Variants in FBXL20 observed in about 807,000 individuals in gnomAD.
The protein encoded by FBXL20 is F-box and leucine rich repeat protein 20, also known as F-box/LRR-repeat protein 20.
A neutral mutation model predicts 64.0 loss-of-function variants in FBXL20; 11 were observed. The observed-to-expected ratio is 0.17, with a 90% CI of 0.11 to 0.28. The LOEUF (loss-of-function observed/expected upper bound fraction) is 0.28. Among genes scored for constraint, FBXL20 ranks in the 10% least tolerant of loss-of-function variants. FBXL20 has a pLI of 1.00. For missense variants in FBXL20, 303 were observed against 526.2 expected (o/e 0.58, Z 4.15); for synonymous variants, 184 against 189.0 (o/e 0.97, Z 0.22).
chr17:39,310,345 C>A (rs1385367071), intron 2 of FBXL20, among the ~76,000 whole-genome samples: 1 of 151,900 alleles, frequency 6.6e-6, no homozygotes, highest in Non-Finnish European at 1.5e-5. Flanking sequence ...CACATGCAAT[C>A]CATGACGTAG....
chr17:39,274,740 G>A (rs1270118148), intron 10 of FBXL20, among the ~76,000 whole-genome samples: 2 of 152,078 alleles, frequency 1.3e-5, no homozygotes, highest in African/African-American at 2.4e-5. Context: ...CTTTTTTCTA[G>A]TATGGATAGC....
intron 1 of FBXL20, among the ~76,000 whole-genome samples, chr17:39,380,567 C>T (rs950036049): frequency 6.6e-6 from 1 of 152,116 alleles, no homozygotes; most frequent in African/African-American, 2.4e-5. Flanking sequence ...TCTCCTTTAC[C>T]ATTCTCTATA....
At chr17:39,275,927 T>A (rs2046886542) in intron 9 of FBXL20, among the ~76,000 whole-genome samples, 2 of 152,048 alleles carry the variant, frequency 1.3e-5, no homozygotes, top group African/African-American at 2.4e-5. Flanking sequence ...GAGTTGTATC[T>A]AACTCAGACA....
intron 1 of FBXL20, among the ~76,000 whole-genome samples, chr17:39,379,485 C>CAAATA (rs2048002056): frequency 7.9e-6 from 1 of 127,112 alleles, no homozygotes; most frequent in Non-Finnish European, 1.7e-5. Flanking sequence ...CATCCCTTAC[C>CAAATA]AAAAAAAAAA....
chr17:39,386,185 T>C (rs2048078006), intron 1 of FBXL20, among the ~76,000 whole-genome samples: 2 of 151,602 alleles, frequency 1.3e-5, no homozygotes, highest in East Asian at 3.9e-4. Context: ...TACGTGCCTG[T>C]ATTCCCAGCC....
At chr17:39,314,066 G>C (rs2047262002) in intron 2 of FBXL20, among the ~76,000 whole-genome samples, 1 of 152,052 alleles carries the variant, frequency 6.6e-6, no homozygotes, top group South Asian at 2.1e-4. Context: ...AAGATTCCCT[G>C]TACCCATTAG....
intron 1 of FBXL20, among the ~76,000 whole-genome samples, chr17:39,392,438 CAAAAA>C (rs67507209): frequency 9.6e-6 from 1 of 104,002 alleles, no homozygotes. Context: ...AGATTGTCTC[CAAAAA>C]AAAAAAAAAA....
In FBXL20 at chr17:39,261,541, G is replaced by A. The variant is rs143298147; in HGVS notation, c.1230C>T (p.His410=). 32 of 1,613,526 alleles carry A rather than the reference G, an allele frequency of 2.0e-5. No homozygotes were observed. The highest frequency in any genetic ancestry group is 7.7e-5 in the South Asian group (7 of 91,064). The part of the protein sequence containing the change: ...LRTHLPNIKV[H]AYFAPVTPPP... The stretch of plus-strand genomic sequence containing the variant: ...GTGGAGTGACAGGTGCGAAGTAGGC[G>A]TGGACTTTAATATTGGGTAAATGGG... The change falls in exon 15 of 15, where the codon CAC becomes CAT. Residue 410 remains histidine (H), a synonymous_variant. Transcript: ENST00000264658.
chr17:39,268,923 T>A, intron 11 of FBXL20, 52 bp from the exon 12 acceptor site: 7 of 1,520,810 alleles, frequency 4.6e-6, no homozygotes, highest in Non-Finnish European at 6.3e-6. Flanking sequence ...ATTTAAAACA[T>A]GAGAAACTTT....
Position 39,254,680 on chromosome 17 carries a change from C to G in FBXL20, c.*6780G>C, listed in dbSNP as rs1021229955. 3 of 154,476 alleles carry G rather than the reference C, an allele frequency of 1.9e-5. No homozygotes were observed. Among genetic ancestry groups the G allele is most frequent in the African/African-American group, 7.2e-5 (3 of 41,504 alleles). The allele number at this position is 154,476 out of a possible 1,614,324, so 9.6% of individuals were successfully genotyped here. A position where few individuals can be genotyped will look rare whatever the true frequency, so the allele number is the denominator to read the frequency against. On this transcript the variant is annotated 3_prime_UTR_variant, in exon 15 of 15. Coordinates refer to ENST00000264658, the MANE Select transcript of FBXL20 (RefSeq NM_032875.3). ...AAAGTAAATGTACCCATGTGTGACA[C>G]AGCCATCACTATGTATTCAAGACAG...
intron 2 of FBXL20, among the ~76,000 whole-genome samples, chr17:39,308,751 G>C (rs567821838): frequency 1.3e-4 from 20 of 151,798 alleles, no homozygotes; most frequent in African/African-American, 4.8e-4. Context: ...ATTTTCAGTA[G>C]AGACGGGGTT....
intron 6 of FBXL20, among the ~76,000 whole-genome samples, chr17:39,294,366 A>G (rs914993000): frequency 6.6e-6 from 1 of 151,798 alleles, no homozygotes; most frequent in Middle Eastern, 3.2e-3. Flanking sequence ...CTGGCTCCCA[A>G]GCTCCCAAGC....
At chr17:39,349,777 A>G (rs1368637451) in intron 1 of FBXL20, among the ~76,000 whole-genome samples, 1 of 152,066 alleles carries the variant, frequency 6.6e-6, no homozygotes, top group Non-Finnish European at 1.5e-5. Context: ...TCTACTAAAA[A>G]TACAAAAAAT....
chr17:39,373,949 C>T (rs2047941319), intron 1 of FBXL20, among the ~76,000 whole-genome samples: 1 of 152,084 alleles, frequency 6.6e-6, no homozygotes, highest in African/African-American at 2.4e-5. Flanking sequence ...TGGCCGGACA[C>T]GGTGGTCCAC....
intron 1 of FBXL20, among the ~76,000 whole-genome samples, chr17:39,387,269 T>C (rs2048090030): frequency 6.7e-6 from 1 of 149,942 alleles, no homozygotes; most frequent in South Asian, 2.1e-4. Flanking sequence ...TTAGGTGTAT[T>C]AACTGCACTT....
chr17:39,296,559 C>CA (rs60002793), intron 6 of FBXL20, among the ~76,000 whole-genome samples: 1,174 of 61,506 alleles, frequency 0.019, 22 homozygotes, highest in South Asian at 0.065. Flanking sequence ...GACTCTGTCT[C>CA]AAAAAAAAAA....
intron 1 of FBXL20, among the ~76,000 whole-genome samples, chr17:39,397,185 C>T (rs1229054591): frequency 6.6e-6 from 1 of 152,050 alleles, no homozygotes; most frequent in Non-Finnish European, 1.5e-5. Flanking sequence ...TGATTACAGG[C>T]GTGAGCCACC....
In FBXL20 at chr17:39,343,531, A is replaced by T. The variant is rs538541444; in HGVS notation, c.43-290T>A. Among the ~76,000 whole-genome samples, 3 of 152,148 alleles carry T rather than the reference A, an allele frequency of 2.0e-5. No individual in the cohort carries two copies. In the South Asian group the frequency reaches 6.2e-4, roughly 32 times the overall value. ...TGGTTTTAATCTTCATACCATCCCT[A>T]TTATCTTCACTTTATAGATAGGAAG... On this transcript the variant is annotated intron_variant, in intron 1 of 14. Coordinates refer to ENST00000264658, the MANE Select transcript of FBXL20 (RefSeq NM_032875.3).
At chr17:39,304,758 A>AT (rs1309900462) in intron 2 of FBXL20, among the ~76,000 whole-genome samples, 2 of 151,282 alleles carry the variant, frequency 1.3e-5, no homozygotes, top group Non-Finnish European at 1.5e-5. Context: ...TGCTCAGCTA[A>AT]TTTTTTTTTG....
Sources: allele counts gnomAD v4.1 joint callset (sites outside exome capture counted in the v4.1 genomes callset), GRCh38; gene constraint gnomAD v4.1.1; transcripts MANE v1.5; gene names NCBI Gene and HGNC (gene_info 2026-07-23, HGNC 2026-07-21).